The following PDE4DIP variants were observed in gnomAD, a reference collection of about 807,000 sequenced individuals.
PDE4DIP encodes the protein myomegalin.
Under a neutral mutation model 221.4 loss-of-function variants are expected in PDE4DIP, and 59 were observed. The ratio of observed to expected loss-of-function variants is 0.27; its 90% CI spans 0.22 to 0.33. The LOEUF (loss-of-function observed/expected upper bound fraction) is 0.33. Among genes scored for constraint, PDE4DIP ranks in the 10% least tolerant of loss-of-function variants. The pLI, the probability that PDE4DIP is intolerant of heterozygous loss-of-function variation, is 1.00. For missense variants in PDE4DIP, 1,036 were observed against 2,154.2 expected (o/e 0.48, Z 10.28); for synonymous variants, 404 against 815.9 (o/e 0.50, Z 8.60).
intron 19 of PDE4DIP, among the ~76,000 whole-genome samples, chr1:148,979,433 A>G (rs1177947890): frequency 6.6e-6 from 1 of 152,150 alleles, no homozygotes; most frequent in African/African-American, 2.4e-5. Context: ...GTCCTATTAT[A>G]TACATTTCCC....
At chr1:149,023,875 CATAT>C (rs1300304872) in intron 37 of PDE4DIP, among the ~76,000 whole-genome samples, 6 of 150,190 alleles carry the variant, frequency 4.0e-5, no homozygotes, top group Admixed American at 2.0e-4. Context: ...ATACACACAA[CATAT>C]ATAAACACAC....
intron 21 of PDE4DIP, chr1:148,982,692 C>T (rs2061315697): frequency 6.6e-6 from 1 of 152,150 alleles, no homozygotes; most frequent in South Asian, 2.1e-4. Flanking sequence ...GTTTCAGTTA[C>T]TTTAAATATG....
chr1:148,952,012 C>G (rs1553489347), intron 5 of PDE4DIP: 1 of 983,942 alleles, frequency 1.0e-6, no homozygotes, highest in Non-Finnish European at 1.2e-6. Flanking sequence ...CGGTACCTAG[C>G]GGCGCTGCCC....
chr1:149,032,300 C>T, exon 44 of PDE4DIP: 1 of 591,958 alleles, frequency 1.7e-6, no homozygotes, highest in South Asian at 2.0e-5. Context: ...GCCCCAGCAG[C>T]TTGGGAACTA....
intron 17 of PDE4DIP, 125 bp from the exon 21 acceptor site, chr1:148,977,812 C>T: frequency 1.4e-6 from 2 of 1,399,936 alleles, no homozygotes; most frequent in Non-Finnish European, 9.7e-7. Flanking sequence ...TGGTTTGATG[C>T]TGTAGAGCCC....
At chr1:148,859,792 T>TTA (rs1683269101) in intron 1 of PDE4DIP, among the ~76,000 whole-genome samples, 1 of 113,074 alleles carries the variant, frequency 8.8e-6, no homozygotes, top group African/African-American at 3.7e-5. Flanking sequence ...TATTACCACT[T>TTA]TGTGTGTGTG....
upstream of PDE4DIP, among the ~76,000 whole-genome samples, chr1:148,889,165 C>G (rs1436604752): frequency 6.6e-6 from 1 of 152,098 alleles, no homozygotes. Flanking sequence ...ATGCGGTTAC[C>G]TTTGTGGGCC....
chr1:148,929,200 A>C (rs782296371), exon 2 of PDE4DIP: 1 of 1,613,750 alleles, frequency 6.2e-7, no homozygotes, highest in Admixed American at 1.7e-5. Flanking sequence ...TTTTCAGAAC[A>C]TTGAGCTGAA....
At chr1:148,927,850 CT>C (rs1325976676) in intron 1 of PDE4DIP, among the ~76,000 whole-genome samples, 4 of 152,142 alleles carry the variant, frequency 2.6e-5, no homozygotes, top group Admixed American at 2.6e-4. Context: ...TTAGGTTCCC[CT>C]ACAAACCTGC....
rs587728721 is a variant in PDE4DIP, at chr1:148,927,031, A to G, written c.142-2166A>G. Among the ~76,000 whole-genome samples, 192 of 149,614 alleles carry G rather than the reference A, an allele frequency of 1.3e-3. 1 individual carries two copies. The highest frequency in any genetic ancestry group is 4.3e-3 in the African/African-American group (176 of 40,602). The stretch of plus-strand genomic sequence containing the variant: ...ATTCAATTTAAATTTCAGATAAACA[A>G]CAAACAATGTTTTAGCGTTTAAGTT... On this transcript the variant is annotated intron_variant, in intron 1 of 43. Transcript: ENST00000369354.
At chr1:148,973,303 T>G (rs1309410054) in intron 16 of PDE4DIP, among the ~76,000 whole-genome samples, 1 of 151,950 alleles carries the variant, frequency 6.6e-6, no homozygotes, top group Non-Finnish European at 1.5e-5. Flanking sequence ...CTAATTTTTT[T>G]GTATTTTTAG....
chr1:148,912,069 G>A (rs615910), intron 1 of PDE4DIP, among the ~76,000 whole-genome samples: 2 of 122,504 alleles, frequency 1.6e-5, no homozygotes, highest in Middle Eastern at 4.1e-3. Context: ...GGAGCCACAC[G>A]GTAGTTTGTG....
chr1:148,941,538 G>A (rs1232262828), intron 5 of PDE4DIP, among the ~76,000 whole-genome samples: 1 of 123,976 alleles, frequency 8.1e-6, no homozygotes, highest in Non-Finnish European at 1.7e-5. Context: ...CGTGGAAACT[G>A]AGGATTGCTT....
intron 1 of PDE4DIP, among the ~76,000 whole-genome samples, chr1:148,923,436 C>T (rs1225462142): frequency 6.8e-6 from 1 of 148,086 alleles, no homozygotes; most frequent in Non-Finnish European, 1.5e-5. Context: ...AGAGACACTG[C>T]GAGACCTCAG....
intron 22 of PDE4DIP, among the ~76,000 whole-genome samples, chr1:148,995,888 TA>T (rs587748053): frequency 7.4e-3 from 903 of 121,388 alleles, no homozygotes; most frequent in African/African-American, 0.027. Context: ...AAATAAAAAA[TA>T]AAAAAAGAAA....
exon 44 of PDE4DIP, chr1:149,031,967 A>T: frequency 6.2e-7 from 1 of 1,609,852 alleles, no homozygotes; most frequent in Non-Finnish European, 8.5e-7. Context: ...GGGCTCTGCC[A>T]TGTACTCCAG....
At position 148,978,263 on chromosome 1, in the gene PDE4DIP, T is replaced by C. The variant is rs372870357; in HGVS notation, c.2437-15T>C. ...ATTACTATTTTCACATCCATACTTA[T>C]TTTTTGACTTCTAGGACCTGCAAAT... is the stretch of plus-strand genomic sequence containing the variant. On this transcript the variant is annotated splice_polypyrimidine_tract_variant and intron_variant, in intron 18 of 43. Transcript: ENST00000369354. 6 of 1,575,546 alleles carry C rather than the reference T, an allele frequency of 3.8e-6. No homozygotes were observed. The African/African-American group carries it at 5.4e-5, about 14-fold the overall frequency.
At chr1:148,930,177 G>A (rs1384435667) in intron 2 of PDE4DIP, 1 of 151,812 alleles carries the variant, frequency 6.6e-6, no homozygotes, top group Non-Finnish European at 1.5e-5. Context: ...AATATTTTCA[G>A]ACTTCAATAA....
chr1:148,937,046 CAT>C (rs1222368046), intron 4 of PDE4DIP, among the ~76,000 whole-genome samples: 17 of 152,206 alleles, frequency 1.1e-4, no homozygotes, highest in South Asian at 2.1e-4. Context: ...ACATACTATA[CAT>C]ATGTTATATT....
Sources: gnomAD v4.1 joint callset for allele counts (sites outside exome capture counted in the v4.1 genomes callset) on GRCh38, gnomAD v4.1.1 for gene constraint, MANE v1.5 for transcripts, NCBI Gene and HGNC (gene_info 2026-07-23, HGNC 2026-07-21) for gene names.